Variants in STX8 observed in about 807,000 individuals in gnomAD.
The protein encoded by STX8 is syntaxin 8, also known as syntaxin-8.
Under a neutral mutation model 37.5 loss-of-function variants are expected in STX8, and 23 were observed. That is an observed-to-expected ratio of 0.61 (90% CI 0.44 to 0.87). STX8 has a LOEUF of 0.87. Ranked by LOEUF, STX8 falls within the 40% of genes least tolerant of loss-of-function variation. The probability of loss-of-function intolerance (pLI) is 0.00; values close to 1 mark genes in which losing one functional copy is unlikely to be tolerated. For missense variants in STX8, 313 were observed against 284.7 expected (o/e 1.10, Z -0.71); for synonymous variants, 115 against 99.1 (o/e 1.16, Z -0.95).
intron 7 of STX8, chr17:9,378,182 T>C (rs1324516657): frequency 1.7e-5 from 3 of 174,422 alleles, no homozygotes; most frequent in Non-Finnish European, 3.7e-5. Flanking sequence ...AAACATAGGA[T>C]TTGAACTCAA....
intron 7 of STX8, among the ~76,000 whole-genome samples, chr17:9,325,607 C>T (rs144011551): frequency 3.2e-3 from 486 of 152,288 alleles, no homozygotes; most frequent in African/African-American, 8.6e-3. Context: ...CGATGGGCTG[C>T]GCGAATTACA....
At chr17:9,388,263 G>C (rs1912085582) in intron 6 of STX8, among the ~76,000 whole-genome samples, 1 of 150,562 alleles carries the variant, frequency 6.6e-6, no homozygotes, top group Non-Finnish European at 1.5e-5. Context: ...GTAGAGACAG[G>C]GTTTCATAAT....
At chr17:9,483,119 T>C (rs984394720) in intron 6 of STX8, among the ~76,000 whole-genome samples, 1 of 152,080 alleles carries the variant, frequency 6.6e-6, no homozygotes, top group East Asian at 1.9e-4. Flanking sequence ...ACAATAGGCA[T>C]TTACTCCCTT....
chr17:9,414,783 C>CTTTTTTTTT (rs10552538), intron 6 of STX8, among the ~76,000 whole-genome samples: 4 of 57,436 alleles, frequency 7.0e-5, no homozygotes, highest in African/African-American at 7.4e-5. Flanking sequence ...CTGAGTTCTG[C>CTTTTTTTTT]TTTTTTTTTT....
chr17:9,406,944 G>T (rs116853302), intron 6 of STX8, among the ~76,000 whole-genome samples: 1,617 of 152,274 alleles, frequency 0.011, 9 homozygotes, highest in South Asian at 0.018. Context: ...TGGAGGCAAG[G>T]AGGGCTGATG....
chr17:9,539,071 G>A (rs994193777), intron 4 of STX8, among the ~76,000 whole-genome samples: 1 of 152,146 alleles, frequency 6.6e-6, no homozygotes, highest in Admixed American at 6.5e-5. Context: ...TGCTTATTTA[G>A]ACCAAGGCTT....
intron 6 of STX8, among the ~76,000 whole-genome samples, chr17:9,478,163 T>G (rs1402737010): frequency 6.6e-6 from 1 of 152,114 alleles, no homozygotes; most frequent in Non-Finnish European, 1.5e-5. Context: ...TGAGACGGAG[T>G]CTAGCTCTGT....
At chr17:9,382,267 G>A (rs1054755442) in intron 6 of STX8, among the ~76,000 whole-genome samples, 1 of 151,084 alleles carries the variant, frequency 6.6e-6, no homozygotes, top group Non-Finnish European at 1.5e-5. Flanking sequence ...TACTAAAAAT[G>A]TATGATTCAG....
At chr17:9,288,638 G>A (rs1908188943) in intron 7 of STX8, among the ~76,000 whole-genome samples, 1 of 151,584 alleles carries the variant, frequency 6.6e-6, no homozygotes, top group Non-Finnish European at 1.5e-5. Context: ...CTCCAGCCTG[G>A]GTGACAGAGT....
At chr17:9,405,834 C>T (rs60789650) in intron 6 of STX8, among the ~76,000 whole-genome samples, 33,253 of 152,048 alleles carry the variant, frequency 0.22, 3,831 homozygotes, top group African/African-American at 0.25. Flanking sequence ...CAAACAAAAC[C>T]TCTTTCTGAA....
At chr17:9,388,351 C>T (rs373142743) in intron 6 of STX8, among the ~76,000 whole-genome samples, 1 of 150,706 alleles carries the variant, frequency 6.6e-6, no homozygotes, top group East Asian at 2.0e-4. Flanking sequence ...GGATTACAGG[C>T]GTGAGCCACC....
intron 7 of STX8, among the ~76,000 whole-genome samples, chr17:9,278,107 G>A (rs1907737959): frequency 6.6e-6 from 1 of 152,154 alleles, no homozygotes; most frequent in Admixed American, 6.5e-5. Context: ...ATCTGGGTAA[G>A]AGGGTGACAT....
At chr17:9,514,076 AG>A (rs1403215089) in intron 4 of STX8, among the ~76,000 whole-genome samples, 1 of 152,190 alleles carries the variant, frequency 6.6e-6, no homozygotes, top group African/African-American at 2.4e-5. Flanking sequence ...ACACAATTAT[AG>A]TTGGACAGGA....
At chr17:9,279,068 GTTTTTTT>G (rs5819218) in intron 7 of STX8, among the ~76,000 whole-genome samples, 1 of 144,802 alleles carries the variant, frequency 6.9e-6, no homozygotes, top group Non-Finnish European at 1.5e-5. Context: ...TTTGTTTTTT[GTTTTTTT>G]TTTTTGAGAT....
intron 6 of STX8, among the ~76,000 whole-genome samples, chr17:9,436,258 T>C (rs1367832777): frequency 2.0e-5 from 3 of 148,918 alleles, no homozygotes; most frequent in Non-Finnish European, 4.4e-5. Flanking sequence ...GGCAGGAGAA[T>C]GGCATGAACC....
rs534183058 is a variant in STX8 at position 9,485,735 on chromosome 17, G to A, written c.541+6094C>T. Among the ~76,000 whole-genome samples, 5 of 152,152 alleles carry A rather than the reference G, an allele frequency of 3.3e-5. No individual in the cohort carries two copies. The East Asian group carries it at 9.7e-4, about 29-fold the overall frequency. ...CGAGTAGCTGGGACTACAGGCATGT[G>A]CCACCACACCCAGCTAATTTTTTTA... is the stretch of plus-strand genomic sequence containing the variant. On this transcript the variant is annotated intron_variant, in intron 6 of 7. Transcript: ENST00000306357.
intron 7 of STX8, among the ~76,000 whole-genome samples, chr17:9,255,386 G>A (rs1192014865): frequency 1.3e-5 from 2 of 152,042 alleles, no homozygotes; most frequent in Non-Finnish European, 2.9e-5. Flanking sequence ...AATTAACCGG[G>A]CATGGTGGTG....
chr17:9,398,502 C>T (rs574297827), intron 6 of STX8, among the ~76,000 whole-genome samples: 2 of 152,068 alleles, frequency 1.3e-5, no homozygotes, highest in Middle Eastern at 3.4e-3. Context: ...AATATAATGC[C>T]GTATCCTAGA....
intron 3 of STX8, among the ~76,000 whole-genome samples, chr17:9,546,443 C>A (rs1906514006): frequency 6.8e-6 from 1 of 147,332 alleles, no homozygotes; most frequent in Admixed American, 6.8e-5. Flanking sequence ...TGGAAAGAAA[C>A]CTACAATTCA....
Sources: allele counts gnomAD v4.1 joint callset (sites outside exome capture counted in the v4.1 genomes callset), GRCh38; gene constraint gnomAD v4.1.1; transcripts MANE v1.5; gene names NCBI Gene and HGNC (gene_info 2026-07-23, HGNC 2026-07-21).